The following ROBO2 variants were observed in gnomAD, a reference collection of about 807,000 sequenced individuals.
ROBO2 encodes the protein roundabout guidance receptor 2.
A neutral mutation model predicts 160.8 loss-of-function variants in ROBO2; 53 were observed. That is an observed-to-expected ratio of 0.33 (90% CI 0.26 to 0.41). ROBO2 has a LOEUF of 0.41. Among genes scored for constraint, ROBO2 ranks in the 10% least tolerant of loss-of-function variants. The probability of loss-of-function intolerance (pLI) is 1.00; values close to 1 mark genes in which losing one functional copy is unlikely to be tolerated. For missense variants in ROBO2, 1,577 were observed against 1,722.4 expected (o/e 0.92, Z 1.49); for synonymous variants, 664 against 611.7 (o/e 1.09, Z -1.26).
intron 2 of ROBO2, among the ~76,000 whole-genome samples, chr3:77,034,226 T>C (rs2063492540): frequency 2.0e-5 from 3 of 151,918 alleles, no homozygotes; most frequent in Admixed American, 6.6e-5. Context: ...AGTTTTTCTA[T>C]AAACTTGGGC....
chr3:77,492,490 G>A (rs2086251056), intron 4 of ROBO2, among the ~76,000 whole-genome samples: 1 of 151,648 alleles, frequency 6.6e-6, no homozygotes, highest in Non-Finnish European at 1.5e-5. Flanking sequence ...ATTAATAAAA[G>A]AAGAAAGGAT....
intron 6 of ROBO2, among the ~76,000 whole-genome samples, chr3:77,531,287 C>T (rs2091706867): frequency 6.6e-6 from 1 of 151,826 alleles, no homozygotes; most frequent in Admixed American, 6.6e-5. Flanking sequence ...ATGTAATTGG[C>T]CACACAAGAA....
intron 2 of ROBO2, among the ~76,000 whole-genome samples, chr3:77,280,014 C>A (rs1244481529): frequency 1.3e-5 from 2 of 152,014 alleles, no homozygotes; most frequent in Non-Finnish European, 2.9e-5. Flanking sequence ...TAGGTCATAA[C>A]CCTCCTCTGT....
chr3:76,971,654 T>C (rs2059578576), intron 2 of ROBO2, among the ~76,000 whole-genome samples: 1 of 152,228 alleles, frequency 6.6e-6, no homozygotes, highest in Non-Finnish European at 1.5e-5. Context: ...TTTAGACTTA[T>C]GGACACATAA....
At chr3:76,101,301 A>G (rs2069672937) in intron 2 of ROBO2, among the ~76,000 whole-genome samples, 1 of 152,196 alleles carries the variant, frequency 6.6e-6, no homozygotes, top group Admixed American at 6.5e-5. Context: ...CTAGGTTTCC[A>G]TCTTGCAACA....
At chr3:77,170,558 T>G (rs528408775) in intron 2 of ROBO2, among the ~76,000 whole-genome samples, 1 of 152,244 alleles carries the variant, frequency 6.6e-6, no homozygotes, top group South Asian at 2.1e-4. Context: ...ATAAAATACG[T>G]ATCTTCTCTG....
chr3:77,083,325 A>T (rs1176625522), intron 1 of ROBO2, among the ~76,000 whole-genome samples: 1 of 152,176 alleles, frequency 6.6e-6, no homozygotes, highest in Non-Finnish European at 1.5e-5. Flanking sequence ...CTGGATGCGT[A>T]AGATGAACTT....
intron 2 of ROBO2, among the ~76,000 whole-genome samples, chr3:76,108,372 C>T (rs989239318): frequency 2.6e-5 from 4 of 152,028 alleles, no homozygotes; most frequent in Non-Finnish European, 4.4e-5. Context: ...CAATAAATTA[C>T]ATTGAATATC....
intron 2 of ROBO2, among the ~76,000 whole-genome samples, chr3:76,596,761 AC>A (rs1161952324): frequency 2.0e-5 from 3 of 152,062 alleles, no homozygotes; most frequent in South Asian, 2.1e-4. Flanking sequence ...CAGTCTGCTA[AC>A]CCATTCACCC....
intron 2 of ROBO2, among the ~76,000 whole-genome samples, chr3:76,806,364 C>G (rs2064713245): frequency 6.6e-6 from 1 of 151,774 alleles, no homozygotes; most frequent in Non-Finnish European, 1.5e-5. Context: ...CACTGTTACT[C>G]AAAATGTCTA....
intron 2 of ROBO2, among the ~76,000 whole-genome samples, chr3:76,871,856 A>G (rs1411562389): frequency 4.6e-5 from 7 of 152,170 alleles, no homozygotes; most frequent in Non-Finnish European, 8.8e-5. Context: ...CTGACCATAA[A>G]TGTAATTAGC....
intron 2 of ROBO2, among the ~76,000 whole-genome samples, chr3:76,025,956 A>G (rs989933075): frequency 9.2e-5 from 14 of 151,808 alleles, no homozygotes; most frequent in African/African-American, 1.2e-4. Flanking sequence ...TTTCTCCCCA[A>G]TATTCTGGAA....
intron 2 of ROBO2, among the ~76,000 whole-genome samples, chr3:76,211,754 C>A (rs1476482299): frequency 3.3e-5 from 5 of 151,936 alleles, no homozygotes; most frequent in Non-Finnish European, 7.4e-5. Context: ...TTTAAAGATT[C>A]TGTCTTTCAA....
intron 2 of ROBO2, among the ~76,000 whole-genome samples, chr3:76,364,552 C>T (rs1033918230): frequency 5.9e-5 from 9 of 151,834 alleles, no homozygotes; most frequent in African/African-American, 1.9e-4. Context: ...ACATTTTTGA[C>T]TTAACTTGGC....
intron 2 of ROBO2, among the ~76,000 whole-genome samples, chr3:76,491,741 T>C (rs2079836106): frequency 6.6e-6 from 1 of 152,192 alleles, no homozygotes; most frequent in Admixed American, 6.5e-5. Context: ...TTTATTCTTA[T>C]ATTCTCCCCT....
Position 77,639,042 on chromosome 3 carries a change from C to A in ROBO2, c.3934+3999C>A, listed in dbSNP as rs554813239. Among the ~76,000 whole-genome samples the A allele has an allele frequency of 3.3e-5, 5 of 151,906 alleles. No individual in the cohort carries two copies. The East Asian group carries it at 5.9e-4, about 18-fold the overall frequency. ...ACAGGGTTTCACCATGAGGGCCAGG[C>A]TAGTCTTGAACTTCTGACCTGAGGC... On this transcript the variant is annotated intron_variant, in intron 24 of 25. Coordinates refer to ENST00000461745, the Ensembl canonical transcript of ROBO2.
At chr3:76,568,336 C>CA (rs1472780773) in intron 2 of ROBO2, among the ~76,000 whole-genome samples, 2 of 151,896 alleles carry the variant, frequency 1.3e-5, no homozygotes, top group Non-Finnish European at 2.9e-5. Context: ...CTCGCTCTGT[C>CA]ACCCAGGCTG....
At chr3:77,530,402 A>G (rs992743380) in intron 6 of ROBO2, among the ~76,000 whole-genome samples, 1 of 151,810 alleles carries the variant, frequency 6.6e-6, no homozygotes, top group Admixed American at 6.6e-5. Context: ...AAACCCCCAA[A>G]CTGAGAATTT....
In ROBO2 at chr3:76,759,599, A is replaced by C. The variant is rs758740138; in HGVS notation, c.110-338415A>C. On this transcript the variant is annotated intron_variant, in intron 2 of 26. Coordinates refer to the ROBO2 transcript ENST00000487694. ...TCATTAACTTGATGCAGAAACATGA[A>C]AGGGATCAAGTATTTGACCAAACCA... Among the ~76,000 whole-genome samples the C allele has an allele frequency of 5.8e-4, 88 of 151,786 alleles. 1 individual carries two copies. Among genetic ancestry groups the C allele is most frequent in the Non-Finnish European group, 4.0e-4 (27 of 67,846 alleles).
Sources: allele counts gnomAD v4.1 joint callset (sites outside exome capture counted in the v4.1 genomes callset), GRCh38; gene constraint gnomAD v4.1.1; transcripts MANE v1.5; gene names NCBI Gene and HGNC (gene_info 2026-07-23, HGNC 2026-07-21).